The following CDH20 variants were observed in gnomAD, a reference collection of about 807,000 sequenced individuals.
CDH20 encodes cadherin-20.
CDH20 carries 29 observed loss-of-function variants against 74.2 expected under a neutral mutation model. That is an observed-to-expected ratio of 0.39 (90% CI 0.29 to 0.53). CDH20 has a LOEUF of 0.53. CDH20 is among the 20% of genes least tolerant of loss of function. CDH20 has a pLI of 0.69. For synonymous variants in CDH20, 469 were observed against 405.4 expected (o/e 1.16, Z -1.88); for missense variants, 988 against 1,048.3 (o/e 0.94, Z 0.79).
intron 9 of CDH20, 68 bp from the exon 10 acceptor site, chr18:61,544,959 G>C (rs772015581): frequency 2.0e-6 from 2 of 1,019,070 alleles, no homozygotes; most frequent in Non-Finnish European, 3.1e-6. Flanking sequence ...TCCGGGTTTG[G>C]GATTTAACTG....
chr18:61,526,318 G>A (rs1237612606), intron 6 of CDH20, among the ~76,000 whole-genome samples: 4 of 150,132 alleles, frequency 2.7e-5, no homozygotes, highest in Admixed American at 6.7e-5. Flanking sequence ...TAGTAGAGAC[G>A]ATTTTTTTTA....
chr18:61,464,671 A>G (rs531027146), intron 1 of CDH20, among the ~76,000 whole-genome samples: 1 of 152,300 alleles, frequency 6.6e-6, no homozygotes, highest in South Asian at 2.1e-4. Context: ...TGATCAAAAC[A>G]CTGGCTAGAA....
At chr18:61,488,585 G>T (rs1910849007) in intron 1 of CDH20, among the ~76,000 whole-genome samples, 1 of 152,190 alleles carries the variant, frequency 6.6e-6, no homozygotes, top group African/African-American at 2.4e-5. Flanking sequence ...AGGTAATGAA[G>T]ATAGAACCAG....
At chr18:61,436,252 A>G (rs1275894059) in intron 1 of CDH20, among the ~76,000 whole-genome samples, 6 of 152,212 alleles carry the variant, frequency 3.9e-5, no homozygotes, top group Non-Finnish European at 8.8e-5. Context: ...GATTTTGTAT[A>G]GACATATGTT....
chr18:61,489,036 T>A (rs73453505), intron 1 of CDH20, among the ~76,000 whole-genome samples: 1,549 of 152,320 alleles, frequency 0.01, 27 homozygotes, highest in African/African-American at 0.035. Flanking sequence ...TTCTTAACAC[T>A]CAATCTGCCT....
intron 1 of CDH20, among the ~76,000 whole-genome samples, chr18:61,480,592 A>T (rs905104799): frequency 2.6e-5 from 4 of 152,208 alleles, no homozygotes; most frequent in African/African-American, 4.8e-5. Flanking sequence ...TCATATATGC[A>T]TTTATCTCAG....
intron 1 of CDH20, among the ~76,000 whole-genome samples, chr18:61,361,445 G>A (rs17068230): frequency 0.041 from 6,250 of 152,278 alleles, 186 homozygotes; most frequent in South Asian, 0.055. Flanking sequence ...AGTAAAAATA[G>A]TGCTGAACTA....
rs545120379 is a variant in CDH20, at chr18:61,507,152, C to G, written c.830-221C>G. ...TTGCTTTCACCCTGTTCTACTGAAGCCTTTTTGACTCCTCCTTATTGAACA... is the reference window on the plus strand; with the variant it reads ...TTGCTTTCACCCTGTTCTACTGAAGGCTTTTTGACTCCTCCTTATTGAACA... On this transcript the variant is annotated intron_variant, in intron 5 of 11. Coordinates refer to ENST00000262717, the MANE Select transcript of CDH20 (RefSeq NM_031891.4). 5.9e-5 allele frequency among the ~76,000 whole-genome samples: 9 copies of G among 152,262 alleles called. No homozygotes were observed. The East Asian group carries it at 1.7e-3, about 29-fold the overall frequency.
intron 10 of CDH20, 95 bp downstream of exon 10, chr18:61,545,239 T>C (rs1913201396): frequency 8.7e-6 from 7 of 804,056 alleles, no homozygotes; most frequent in Non-Finnish European, 1.6e-5. Flanking sequence ...AAAGGCTACC[T>C]GTTCCATACC....
intron 1 of CDH20, among the ~76,000 whole-genome samples, chr18:61,445,199 T>C (rs1332520341): frequency 1.3e-5 from 2 of 152,026 alleles, no homozygotes; most frequent in African/African-American, 4.8e-5. Context: ...TAATTATATC[T>C]ACTATTTATT....
intron 1 of CDH20, among the ~76,000 whole-genome samples, chr18:61,446,359 CTTCT>C (rs2144328410): frequency 6.6e-6 from 1 of 152,238 alleles, no homozygotes; most frequent in South Asian, 2.1e-4. Flanking sequence ...TGGAGCTCTC[CTTCT>C]TTAACTGTTT....
rs1394867829 is a variant in CDH20 at position 61,536,777 on chromosome 18, C to G, written c.1408+148C>G. On this transcript the variant is annotated intron_variant, in intron 8 of 11. Transcript: ENST00000262717. ...CTTTATGCAAGTAAGTAAATGCGTT[C>G]AGTTCAAATACTTTTTTGAGGCTCG... is the stretch of plus-strand genomic sequence containing the variant. 4 of 685,542 alleles carry G rather than the reference C, an allele frequency of 5.8e-6. No homozygotes were observed. In the East Asian group the frequency reaches 1.1e-4, roughly 18 times the overall value. 42.5% of individuals were successfully genotyped at this position (685,542 alleles called of 1,614,324 possible). A position where few individuals can be genotyped will look rare whatever the true frequency, so the allele number is the denominator to read the frequency against.
chr18:61,479,329 T>C (rs1421913591), intron 1 of CDH20, among the ~76,000 whole-genome samples: 22 of 152,112 alleles, frequency 1.4e-4, no homozygotes, highest in Non-Finnish European at 2.9e-5. Context: ...TTTATTCGAG[T>C]ATTTGCCAAT....
In CDH20 at chr18:61,457,712, A is replaced by AT. The variant is rs1202093354; in HGVS notation, c.-152-32682dup. On this transcript the variant is annotated intron_variant, in intron 1 of 11. Coordinates refer to ENST00000262717, the MANE Select transcript of CDH20 (RefSeq NM_031891.4). ...GGAGGTTTTCCCTATCATTGGTGTT[A>AT]TTTTTTTTAAATATAAAATACGTAA... 4.6e-5 allele frequency among the ~76,000 whole-genome samples: 7 copies of AT among 151,982 alleles called. No individual in the cohort carries two copies. In the South Asian group the frequency reaches 1.5e-3, roughly 32 times the overall value.
chr18:61,347,319 T>TATATATATATATATATAC (rs869054502), intron 1 of CDH20, among the ~76,000 whole-genome samples: 1 of 77,400 alleles, frequency 1.3e-5, no homozygotes, highest in African/African-American at 5.8e-5. Flanking sequence ...TATATATATA[T>TATATATATATATATATAC]ACACACACAC....
At chr18:61,428,283 C>A (rs1263633705) in intron 1 of CDH20, among the ~76,000 whole-genome samples, 11 of 152,102 alleles carry the variant, frequency 7.2e-5, no homozygotes, top group Non-Finnish European at 1.5e-4. Context: ...TGTTTTTACC[C>A]ATGCTACAGC....
intron 1 of CDH20, among the ~76,000 whole-genome samples, chr18:61,370,985 G>A (rs72991814): frequency 1.3e-5 from 2 of 152,126 alleles, no homozygotes; most frequent in Non-Finnish European, 2.9e-5. Flanking sequence ...GTTATTGATG[G>A]TAATAAAATC....
chr18:61,351,778 C>G (rs182128305), intron 1 of CDH20, among the ~76,000 whole-genome samples: 1 of 152,022 alleles, frequency 6.6e-6, no homozygotes, highest in African/African-American at 2.4e-5. Flanking sequence ...ATTCCTACTA[C>G]CTGTGTCATG....
At chr18:61,422,930 G>A (rs1482261327) in intron 1 of CDH20, among the ~76,000 whole-genome samples, 1 of 152,058 alleles carries the variant, frequency 6.6e-6, no homozygotes, top group East Asian at 1.9e-4. Context: ...TTTTGACTAT[G>A]TTTATAACGG....
Sources: allele counts gnomAD v4.1 joint callset (sites outside exome capture counted in the v4.1 genomes callset), GRCh38; gene constraint gnomAD v4.1.1; transcripts MANE v1.5; gene names NCBI Gene and HGNC (gene_info 2026-07-23, HGNC 2026-07-21).